TSHZ3: variants seen among roughly 807,000 people sequenced by gnomAD.
TSHZ3 encodes teashirt zinc finger homeobox 3, also known as teashirt homolog 3.
A neutral mutation model predicts 64.5 loss-of-function variants in TSHZ3; 10 were observed. The observed-to-expected ratio is 0.16, with a 90% CI of 0.10 to 0.26. The LOEUF (loss-of-function observed/expected upper bound fraction) is 0.26. TSHZ3 is among the 10% of genes least tolerant of loss of function. TSHZ3 has a pLI of 1.00. For synonymous variants in TSHZ3, 608 were observed against 593.1 expected (o/e 1.03, Z -0.36); for missense variants, 1,242 against 1,421.7 (o/e 0.87, Z 2.03).
chr19:31,240,394 C>A (rs999591315), intron 3 of TSHZ3, among the ~76,000 whole-genome samples: 2 of 151,974 alleles, frequency 1.3e-5, no homozygotes, highest in Non-Finnish European at 2.9e-5. Context: ...TGAAAAAAAT[C>A]AAAAATTCTT....
At chr19:31,199,107 T>C (rs543353283) in intron 5 of TSHZ3, among the ~76,000 whole-genome samples, 4 of 152,112 alleles carry the variant, frequency 2.6e-5, no homozygotes, top group Non-Finnish European at 4.4e-5. Flanking sequence ...GAAATAGACC[T>C]ATAAGAATAT....
At chr19:31,177,823 T>G (rs117955324) in intron 5 of TSHZ3, among the ~76,000 whole-genome samples, 5,632 of 152,296 alleles carry the variant, frequency 0.037, 160 homozygotes, top group Non-Finnish European at 0.058. Context: ...CAAGGTGCTA[T>G]CATTGCCCCA....
intron 1 of TSHZ3, among the ~76,000 whole-genome samples, chr19:31,318,504 C>A (rs536636983): frequency 6.6e-6 from 1 of 152,166 alleles, no homozygotes; most frequent in Non-Finnish European, 1.5e-5. Flanking sequence ...AAAATGATAA[C>A]AGTATAAAAG....
At chr19:31,292,561 C>T (rs189506210) in intron 1 of TSHZ3, among the ~76,000 whole-genome samples, 1 of 152,298 alleles carries the variant, frequency 6.6e-6, no homozygotes, top group Non-Finnish European at 1.5e-5. Context: ...GGATGGCTAA[C>T]ATGAGATGGG....
intron 1 of TSHZ3, among the ~76,000 whole-genome samples, chr19:31,282,022 C>T (rs79264413): frequency 0.05 from 7,651 of 152,220 alleles, 276 homozygotes; most frequent in South Asian, 0.1. Context: ...GAGGTCAGAG[C>T]ATCCAGGTGG....
chr19:31,350,368 C>T (rs560667169), upstream of TSHZ3, among the ~76,000 whole-genome samples: 12 of 151,810 alleles, frequency 7.9e-5, no homozygotes, highest in South Asian at 1.7e-3. Context: ...GGGGTTCCTT[C>T]AAGTTTCCTC....
chr19:31,247,086 T>A (rs185261500), intron 1 of TSHZ3, among the ~76,000 whole-genome samples: 1 of 152,168 alleles, frequency 6.6e-6, no homozygotes, highest in East Asian at 1.9e-4. Context: ...AATTAGTAAA[T>A]GTAGAAGGAA....
intron 1 of TSHZ3, among the ~76,000 whole-genome samples, chr19:31,341,130 G>C (rs1917420567): frequency 6.6e-6 from 1 of 152,162 alleles, no homozygotes; most frequent in African/African-American, 2.4e-5. Context: ...TGTAACACTT[G>C]GGACAAGGTG....
chr19:31,308,721 G>T, intron 1 of TSHZ3: 1 of 398,708 alleles, frequency 2.5e-6, no homozygotes, highest in East Asian at 3.6e-5. Context: ...TGGAAAGAGA[G>T]AAAAACAGGG....
chr19:31,165,269 A>G (rs1974432194), intron 5 of TSHZ3, among the ~76,000 whole-genome samples: 1 of 152,192 alleles, frequency 6.6e-6, no homozygotes, highest in Non-Finnish European at 1.5e-5. Flanking sequence ...CACAGCAATT[A>G]TTTATCCTGG....
chr19:31,240,506 C>A (rs979732759), intron 3 of TSHZ3, among the ~76,000 whole-genome samples: 1 of 152,132 alleles, frequency 6.6e-6, no homozygotes, highest in Non-Finnish European at 1.5e-5. Flanking sequence ...TTATATCATT[C>A]ATCTTGCAGT....
At chr19:31,245,751 C>G (rs1975751161) in intron 1 of TSHZ3, among the ~76,000 whole-genome samples, 1 of 152,172 alleles carries the variant, frequency 6.6e-6, no homozygotes, top group Non-Finnish European at 1.5e-5. Flanking sequence ...GAGTGCATTC[C>G]CTGCCTCTGA....
chr19:31,276,472 G>GGCCCACCT lies in TSHZ3; in HGVS notation c.*74_*75insAGGTGGGC. 1 of 1,374,964 alleles carries GGCCCACCT rather than the reference G, an allele frequency of 7.3e-7. No individual in the cohort carries two copies. Among genetic ancestry groups the GGCCCACCT allele is most frequent in the South Asian group, 1.4e-5 (1 of 70,350 alleles). The allele number at this position is 1,374,964 out of a possible 1,614,324, so 85.2% of individuals were successfully genotyped here. ...TAAGAACATGTGCCAAGAACAACAA[G>GGCCCACCT]TCAGAGGGGGCCTGAAGGTGCCTTC... On this transcript the variant is annotated 3_prime_UTR_variant, in exon 2 of 2. Coordinates refer to ENST00000240587, the MANE Select transcript of TSHZ3 (RefSeq NM_020856.4).
At chr19:31,253,010 A>T (rs1277492356) in intron 1 of TSHZ3, among the ~76,000 whole-genome samples, 1 of 152,244 alleles carries the variant, frequency 6.6e-6, no homozygotes, top group African/African-American at 2.4e-5. Context: ...CAGTATAGAT[A>T]TTTTAATTTT....
chr19:31,250,069 T>A (rs1975816805), intron 1 of TSHZ3, among the ~76,000 whole-genome samples: 1 of 152,204 alleles, frequency 6.6e-6, no homozygotes, highest in South Asian at 2.1e-4. Flanking sequence ...ACACAGCACA[T>A]GCCCGGGACA....
At chr19:31,249,405 C>A (rs1213552001) in intron 1 of TSHZ3, among the ~76,000 whole-genome samples, 1 of 152,092 alleles carries the variant, frequency 6.6e-6, no homozygotes, top group Admixed American at 6.5e-5. Context: ...CAGTCCTTGG[C>A]ACTAGAGGGC....
In TSHZ3 at chr19:31,323,159, A is replaced by G. The variant is rs549437228; in HGVS notation, c.40+26021T>C. On this transcript the variant is annotated intron_variant, in intron 1 of 1. Transcript: ENST00000240587. ...GCCTTCTGCTATCAAATGCTGAGAT[A>G]ACCTCAAAGGAGTGGAAGTCCATAC... Among the ~76,000 whole-genome samples the G allele has an allele frequency of 2.0e-5, 3 of 152,346 alleles. No homozygotes were observed. In the South Asian group the frequency reaches 6.2e-4, roughly 32 times the overall value.
intron 1 of TSHZ3, among the ~76,000 whole-genome samples, chr19:31,282,030 T>A (rs1021579716): frequency 1.3e-5 from 2 of 152,146 alleles, no homozygotes; most frequent in Non-Finnish European, 2.9e-5. Context: ...AGCATCCAGG[T>A]GGGTCTGCAA....
In TSHZ3 at chr19:31,331,584, CAA is replaced by C. The variant is rs773183027; in HGVS notation, c.40+17594_40+17595del. Among the ~76,000 whole-genome samples the C allele has an allele frequency of 2.6e-5, 4 of 152,244 alleles. No homozygotes were observed. The South Asian group carries it at 8.3e-4, about 32-fold the overall frequency. ...GTGTCATAACGAAGGGAAGTCAACT[CAA>C]GATGCATTTTCTGGAAATGCCATGG... On this transcript the variant is annotated intron_variant, in intron 1 of 1. Transcript: ENST00000240587.
Sources: gnomAD v4.1 joint callset for allele counts (sites outside exome capture counted in the v4.1 genomes callset) on GRCh38, gnomAD v4.1.1 for gene constraint, MANE v1.5 for transcripts, NCBI Gene and HGNC (gene_info 2026-07-23, HGNC 2026-07-21) for gene names.